BUB1B: variants seen among roughly 807,000 people sequenced by gnomAD.
BUB1B encodes BUB1 mitotic checkpoint serine/threonine kinase B.
A neutral mutation model predicts 137.7 loss-of-function variants in BUB1B; 86 were observed. That is an observed-to-expected ratio of 0.62 (90% CI 0.52 to 0.75). BUB1B has a LOEUF of 0.75. BUB1B is among the 30% of genes least tolerant of loss of function. The probability of loss-of-function intolerance (pLI) is 0.00; values close to 1 mark genes in which losing one functional copy is unlikely to be tolerated. For missense variants in BUB1B, 1,130 were observed against 1,236.9 expected (o/e 0.91, Z 1.30); for synonymous variants, 420 against 417.9 (o/e 1.00, Z -0.06).
In BUB1B at chr15:40,202,622, A is replaced by G. The variant is rs1054875875; in HGVS notation, c.1662A>G (p.Gln554=). The G allele has an allele frequency of 5.6e-6, 9 of 1,614,172 alleles. No homozygotes were observed. Among genetic ancestry groups the G allele is most frequent in the Non-Finnish European group, 7.6e-6 (9 of 1,180,022 alleles). The part of the protein sequence containing the change: ...PPADPPRVLA[Q]RRPLAVLKTS... Reference sequence around the variant, plus strand: ...CAGATCCCCCACGAGTTTTAGCTCAACGAAGACCCCTTGCAGTTCTCAAAA... The same window carrying G: ...CAGATCCCCCACGAGTTTTAGCTCAGCGAAGACCCCTTGCAGTTCTCAAAA... The change falls in exon 14 of 23, where the codon CAA becomes CAG. Residue 554 remains glutamine, a synonymous_variant. Coordinates refer to ENST00000287598, the MANE Select transcript of BUB1B (RefSeq NM_001211.6).
chr15:40,190,524 G>A (rs1273988240), intron 8 of BUB1B, among the ~76,000 whole-genome samples: 1 of 152,158 alleles, frequency 6.6e-6, no homozygotes. Context: ...TGAGGTGGGA[G>A]GATTGTTTGT....
intron 4 of BUB1B, among the ~76,000 whole-genome samples, chr15:40,173,295 T>TAAAAAAAA (rs61078619): frequency 2.2e-4 from 19 of 85,864 alleles, no homozygotes; most frequent in East Asian, 4.3e-4. Flanking sequence ...GAAAAAAAGA[T>TAAAAAAAA]AAAAAAAAAA....
At chr15:40,192,749 A>G (rs548070222) in intron 8 of BUB1B, among the ~76,000 whole-genome samples, 102 of 152,326 alleles carry the variant, frequency 6.7e-4, no homozygotes, top group Non-Finnish European at 1.3e-3. Context: ...ATGATATTCC[A>G]TTGTATAGAT....
chr15:40,175,969 G>C (rs527275647), intron 4 of BUB1B, among the ~76,000 whole-genome samples: 59 of 151,766 alleles, frequency 3.9e-4, no homozygotes, highest in South Asian at 1.5e-3. Context: ...TTTCTTTAGA[G>C]ACAGGGTCTC....
rs1223266942 is a variant in BUB1B, at chr15:40,220,883, T to G, written c.*124T>G. ...AGATGCACTACCATTGCTGTTCTAC[T>G]TTTTGGTACAGGTATATTTTGACGT... On this transcript the variant is annotated 3_prime_UTR_variant, in exon 23 of 23. Coordinates refer to ENST00000287598, the MANE Select transcript of BUB1B (RefSeq NM_001211.6). The G allele has an allele frequency of 2.9e-6, 3 of 1,036,530 alleles. No homozygotes were observed. Among genetic ancestry groups the G allele is most frequent in the Admixed American group, 3.9e-5 (2 of 51,492 alleles). The allele number at this position is 1,036,530 out of a possible 1,614,324, so 64.2% of individuals were successfully genotyped here.
intron 15 of BUB1B, among the ~76,000 whole-genome samples, chr15:40,207,116 T>C (rs932065289): frequency 6.6e-5 from 10 of 152,350 alleles, no homozygotes; most frequent in African/African-American, 2.4e-4. Flanking sequence ...GGCCAGCTTA[T>C]GTGAATTTTA....
Position 40,220,849 on chromosome 15 carries a change from GAC to G in BUB1B, c.*94_*95del. ...CTGTATGTGCTGTAATTTAATTTAGGACACATTTAGATGCACTACCATTGCTG... is the reference window on the plus strand; with the variant it reads ...CTGTATGTGCTGTAATTTAATTTAGGACATTTAGATGCACTACCATTGCTG... On this transcript the variant is annotated 3_prime_UTR_variant, in exon 23 of 23. Coordinates refer to ENST00000287598, the MANE Select transcript of BUB1B (RefSeq NM_001211.6). The G allele has an allele frequency of 2.2e-6, 3 of 1,369,084 alleles. No individual in the cohort carries two copies. Among genetic ancestry groups the G allele is most frequent in the Non-Finnish European group, 3.1e-6 (3 of 962,422 alleles). The allele number at this position is 1,369,084 out of a possible 1,614,324, so 84.8% of individuals were successfully genotyped here. A position where few individuals can be genotyped will look rare whatever the true frequency, so the allele number is the denominator to read the frequency against.
chr15:40,218,630 T>C (rs1373279768), intron 22 of BUB1B, 68 bp downstream of exon 22: 1 of 1,198,598 alleles, frequency 8.3e-7, no homozygotes, highest in Non-Finnish European at 1.2e-6. Context: ...GGGTGCTATC[T>C]CTGCTTTGGC....
chr15:40,204,107 A>G (rs2037608277), intron 14 of BUB1B, among the ~76,000 whole-genome samples: 1 of 152,242 alleles, frequency 6.6e-6, no homozygotes. Flanking sequence ...ATATCAAGAT[A>G]CAGAATATTT....
intron 6 of BUB1B, among the ~76,000 whole-genome samples, chr15:40,184,361 G>T (rs2037334038): frequency 6.6e-6 from 1 of 151,352 alleles, no homozygotes; most frequent in Non-Finnish European, 1.5e-5. Context: ...CTGAAACGTG[G>T]TAGTGCAATC....
chr15:40,165,236 C>T, intron 2 of BUB1B, 40 bp downstream of exon 2: 2 of 1,613,472 alleles, frequency 1.2e-6, no homozygotes, highest in Non-Finnish European at 1.7e-6. Flanking sequence ...CGTCATTCAT[C>T]CTAAATGTTG....
rs200884355 is a variant in BUB1B, at chr15:40,170,081, C to T, written c.199C>T (p.Arg67Ter). Residue 67 changes from arginine (R) to a stop codon, truncating the protein, a stop_gained, in exon 3 of 23, where the codon CGA becomes TGA. Transcript: ENST00000287598. LOFTEE classifies it high-confidence loss of function. The stretch of plus-strand genomic sequence containing the variant: ...TTTCAGGGCATTTGAATATGAAATT[C>T]GATTTTACACTGGAAATGACCCTCT... ...QQKRAFEYEI[R>*]FYTGNDPLDV... The T allele has an allele frequency of 1.2e-5, 20 of 1,613,798 alleles. No homozygotes were observed. The Admixed American group carries it at 2.2e-4, about 17-fold the overall frequency.
chr15:40,186,045 T>C (rs2037357010), intron 8 of BUB1B, among the ~76,000 whole-genome samples: 2 of 152,164 alleles, frequency 1.3e-5, no homozygotes, highest in Admixed American at 1.3e-4. Context: ...TTCTGGAAGA[T>C]GGATTGAACA....
intron 5 of BUB1B, among the ~76,000 whole-genome samples, chr15:40,179,864 A>T (rs547445928): frequency 6.6e-6 from 1 of 152,058 alleles, no homozygotes; most frequent in African/African-American, 2.4e-5. Flanking sequence ...TAACCATAAA[A>T]GTTCCTTTAT....
At position 40,206,264 on chromosome 15, in the gene BUB1B, A is replaced by G; in HGVS notation, c.1815A>G (p.Pro605=). ...GFRNVTICPN[P]EDTCDFARAA... ...GAAATGTAACAATTTGTCCTAACCC[A>G]GAAGACACTTGTGACTTTGCCAGAG... The change falls in exon 15 of 23, where the codon CCA becomes CCG. Residue 605 remains proline (P), a synonymous_variant. Coordinates refer to ENST00000287598, the MANE Select transcript of BUB1B (RefSeq NM_001211.6). 1 of 1,614,214 alleles carries G rather than the reference A, an allele frequency of 6.2e-7. No homozygotes were observed. The highest frequency in any genetic ancestry group is 8.5e-7 in the Non-Finnish European group (1 of 1,180,040).
intron 2 of BUB1B, among the ~76,000 whole-genome samples, chr15:40,168,598 G>C (rs1020216037): frequency 2.6e-5 from 4 of 152,118 alleles, no homozygotes; most frequent in East Asian, 1.9e-4. Flanking sequence ...TTATAAAGTT[G>C]CTTGATTAAT....
intron 22 of BUB1B, among the ~76,000 whole-genome samples, chr15:40,218,865 G>T (rs536591440): frequency 6.6e-6 from 1 of 152,330 alleles, no homozygotes; most frequent in African/African-American, 2.4e-5. Flanking sequence ...AGCATTTCAT[G>T]AGAATAATTT....
At chr15:40,219,898 A>G (rs761898145) in intron 22 of BUB1B, among the ~76,000 whole-genome samples, 1 of 152,152 alleles carries the variant, frequency 6.6e-6, no homozygotes, top group Non-Finnish European at 1.5e-5. Flanking sequence ...TTAATTCAGA[A>G]CTTGGCCAGT....
chr15:40,203,669 CAA>C (rs2037602878), intron 14 of BUB1B, among the ~76,000 whole-genome samples: 1 of 151,978 alleles, frequency 6.6e-6, no homozygotes, highest in South Asian at 2.1e-4. Context: ...TTTGGCAATG[CAA>C]AAGTTATGTG....
Sources: allele counts gnomAD v4.1 joint callset (sites outside exome capture counted in the v4.1 genomes callset), GRCh38; gene constraint gnomAD v4.1.1; transcripts MANE v1.5; gene names NCBI Gene and HGNC (gene_info 2026-07-23, HGNC 2026-07-21).